The following TMEM131 variants were observed in gnomAD, a reference collection of about 807,000 sequenced individuals.
TMEM131 encodes the protein 2610524E03Rik.
In TMEM131, 66 loss-of-function variants were observed where a neutral mutation model predicts 211.6. The ratio of observed to expected loss-of-function variants is 0.31; its 90% CI spans 0.26 to 0.38. The LOEUF (loss-of-function observed/expected upper bound fraction) is 0.38. TMEM131 is among the 10% of genes least tolerant of loss of function. TMEM131 has a pLI of 1.00. For synonymous variants in TMEM131, 844 were observed against 841.3 expected, an observed-to-expected ratio of 1.00 and a Z score of -0.06; for missense variants, 2,036 against 2,299.3, an observed-to-expected ratio of 0.89 and a Z score of 2.34.
chr2:97,789,804 A>T (rs1331990183), intron 31 of TMEM131, among the ~76,000 whole-genome samples: 3 of 152,170 alleles, frequency 2.0e-5, no homozygotes, highest in Non-Finnish European at 4.4e-5. Context: ...GAAACCAAAG[A>T]AGTACAGAAT....
In TMEM131 at chr2:97,813,998, G is replaced by A. The variant is rs190189893; in HGVS notation, c.1590C>T (p.Pro530=). 3.9e-5 allele frequency: 62 copies of A among 1,598,224 alleles called. No individual in the cohort carries two copies. The highest frequency in any genetic ancestry group is 3.5e-4 in the Admixed American group (20 of 57,800). Residue 530 remains proline (P), a synonymous_variant, in exon 15 of 41, where the codon CCC becomes CCT. Coordinates refer to ENST00000186436, the MANE Select transcript of TMEM131 (RefSeq NM_015348.2). ...LITNASKFHL[P]VRVYTGFLDY... ...CTAAAAAGCCTGTGTATACCCGCAC[G>A]GGTAAATGAAATTTAGAAGCATTGG...
chr2:97,761,172 T>C (rs1678822891), intron 36 of TMEM131: 1 of 377,282 alleles, frequency 2.7e-6, no homozygotes, highest in Admixed American at 4.0e-5. Context: ...ATTTAGGGAC[T>C]GGCAGAGGCT....
chr2:97,799,358 T>C (rs759133877), intron 25 of TMEM131, among the ~76,000 whole-genome samples: 1 of 152,182 alleles, frequency 6.6e-6, no homozygotes, highest in Non-Finnish European at 1.5e-5. Context: ...ATGGGAAGTA[T>C]GTAAAAAGTA....
At chr2:97,942,897 G>C (rs1173153751) in intron 1 of TMEM131, among the ~76,000 whole-genome samples, 3 of 150,766 alleles carry the variant, frequency 2.0e-5, no homozygotes, top group African/African-American at 7.3e-5. Context: ...TGAGGCTGAA[G>C]GATCATTTGA....
Position 97,759,755 on chromosome 2 carries a change from T to G in TMEM131, c.5109-6A>C. The G allele has an allele frequency of 6.2e-7, 1 of 1,609,464 alleles. No individual in the cohort carries two copies. The highest frequency in any genetic ancestry group is 1.1e-5 in the South Asian group (1 of 90,196). ...CGGGACTCCACAAACCCGAGCTAAA[T>G]GTTACAAGAGGAAAACGCAACACAC... On this transcript the variant is annotated splice_polypyrimidine_tract_variant and splice_region_variant and intron_variant, in intron 38 of 40. Transcript: ENST00000186436.
intron 1 of TMEM131, among the ~76,000 whole-genome samples, chr2:97,939,938 T>C (rs1033639750): frequency 3.3e-5 from 5 of 152,142 alleles, no homozygotes; most frequent in African/African-American, 9.7e-5. Context: ...ACTATCTCAA[T>C]AGATGCAGAA....
chr2:97,773,052 G>A (rs1409191945), intron 32 of TMEM131, among the ~76,000 whole-genome samples: 1 of 152,180 alleles, frequency 6.6e-6, no homozygotes, highest in Admixed American at 6.5e-5. Flanking sequence ...GTAAAACACT[G>A]TATTTCCTTA....
intron 4 of TMEM131, among the ~76,000 whole-genome samples, chr2:97,882,002 A>G (rs1340412626): frequency 6.6e-6 from 1 of 152,222 alleles, no homozygotes; most frequent in Non-Finnish European, 1.5e-5. Flanking sequence ...GAAGACATTG[A>G]TAATTTACTT....
chr2:97,837,934 CA>C (rs1683007891), intron 7 of TMEM131, among the ~76,000 whole-genome samples: 1 of 152,220 alleles, frequency 6.6e-6, no homozygotes, highest in African/African-American at 2.4e-5. Flanking sequence ...TCTATCACCT[CA>C]GACTAGCTCA....
At chr2:97,809,855 T>C (rs1681474471) in intron 18 of TMEM131, 81 bp from the exon 19 acceptor site, 4 of 1,157,456 alleles carry the variant, frequency 3.5e-6, no homozygotes, top group Non-Finnish European at 5.0e-6. Flanking sequence ...TATTTTGGGG[T>C]TAACCTAATT....
intron 5 of TMEM131, among the ~76,000 whole-genome samples, chr2:97,844,969 T>C (rs1340556650): frequency 6.6e-6 from 1 of 152,110 alleles, no homozygotes; most frequent in Non-Finnish European, 1.5e-5. Context: ...ACCTAAATGA[T>C]AGCTCAAAAT....
At position 97,972,654 on chromosome 2, in the gene TMEM131, G is replaced by A. The variant is rs534350676; in HGVS notation, c.187+22822C>T. Among the ~76,000 whole-genome samples the A allele has an allele frequency of 2.7e-4, 41 of 152,268 alleles. No homozygotes were observed. The South Asian group carries it at 8.5e-3, about 32-fold the overall frequency. ...GAATATGCCAAATCACATGGCAAAG[G>A]GGAATTAAGCTCCCAGATGCAATTA... is the stretch of plus-strand genomic sequence containing the variant. On this transcript the variant is annotated intron_variant, in intron 1 of 40. Transcript: ENST00000186436.
At chr2:97,991,398 G>C (rs930188405) in intron 1 of TMEM131, among the ~76,000 whole-genome samples, 12 of 152,168 alleles carry the variant, frequency 7.9e-5, no homozygotes, top group Admixed American at 2.0e-4. Flanking sequence ...GAAGGCAGTG[G>C]GAGAGTGATC....
In TMEM131 at chr2:97,772,513, A is replaced by G; in HGVS notation, c.4321-89T>C. 5.8e-6 allele frequency: 8 copies of G among 1,381,154 alleles called. No individual in the cohort carries two copies. The South Asian group carries it at 1.0e-4, about 18-fold the overall frequency. 85.6% of individuals were successfully genotyped at this position (1,381,154 alleles called of 1,614,324 possible). ...TTAAGATACAGACACAAAATCAAAGATGTAAAAATATACACATCATATACG... is the reference window on the plus strand; with the variant it reads ...TTAAGATACAGACACAAAATCAAAGGTGTAAAAATATACACATCATATACG... On this transcript the variant is annotated intron_variant, in intron 32 of 40. Transcript: ENST00000186436.
intron 5 of TMEM131, among the ~76,000 whole-genome samples, chr2:97,851,706 G>A (rs1673634365): frequency 6.6e-6 from 1 of 151,970 alleles, no homozygotes; most frequent in Admixed American, 6.5e-5. Flanking sequence ...ATTGTTTTAG[G>A]GCACCACAAA....
chr2:97,984,502 C>G (rs1456019870), intron 1 of TMEM131, among the ~76,000 whole-genome samples: 1 of 152,034 alleles, frequency 6.6e-6, no homozygotes, highest in African/African-American at 2.4e-5. Flanking sequence ...GTACCAACAT[C>G]TGCTTCTGCT....
chr2:97,968,261 G>A (rs1182868491), intron 1 of TMEM131, among the ~76,000 whole-genome samples: 4 of 152,088 alleles, frequency 2.6e-5, no homozygotes, highest in African/African-American at 9.7e-5. Context: ...GAACCGAGGA[G>A]TGACTACCAG....
At chr2:97,776,057 G>C (rs373821686) in intron 31 of TMEM131, 39 bp from the exon 32 acceptor site, 86 of 1,577,030 alleles carry the variant, frequency 5.5e-5, no homozygotes, top group Non-Finnish European at 6.9e-5. Flanking sequence ...TCTTGTTTTT[G>C]TTTCTTTTTT....
At chr2:97,778,830 A>G (rs1679852968) in intron 31 of TMEM131, among the ~76,000 whole-genome samples, 1 of 152,030 alleles carries the variant, frequency 6.6e-6, no homozygotes, top group Admixed American at 6.5e-5. Context: ...TGCTGACTCT[A>G]TCTTTGCTGG....
Sources: allele counts gnomAD v4.1 joint callset (sites outside exome capture counted in the v4.1 genomes callset), GRCh38; gene constraint gnomAD v4.1.1; transcripts MANE v1.5; gene names NCBI Gene and HGNC (gene_info 2026-07-23, HGNC 2026-07-21).